RASA2: variants seen among roughly 807,000 people sequenced by gnomAD.
RASA2 encodes the protein RAS p21 protein activator 2.
In RASA2, 155 loss-of-function variants were observed where a neutral mutation model predicts 118.2. The ratio of observed to expected loss-of-function variants is 1.31; its 90% CI spans 1.15 to 1.50. RASA2 has a LOEUF of 1.50. Among genes scored for constraint, RASA2 ranks in the 40% most tolerant of loss-of-function variants. RASA2 has a pLI of 0.00. For synonymous variants in RASA2, 353 were observed against 349.1 expected (o/e 1.01, Z -0.12); for missense variants, 1,016 against 1,009.6 (o/e 1.01, Z -0.09).
At chr3:141,594,071 G>T (rs2083327125) in intron 19 of RASA2, among the ~76,000 whole-genome samples, 1 of 152,168 alleles carries the variant, frequency 6.6e-6, no homozygotes, top group South Asian at 2.1e-4. Context: ...TAGTCATCAT[G>T]AGTAAAGAAA....
At chr3:141,581,868 G>T (rs996285656) in intron 17 of RASA2, among the ~76,000 whole-genome samples, 2 of 152,106 alleles carry the variant, frequency 1.3e-5, no homozygotes, top group Admixed American at 6.5e-5. Flanking sequence ...GTTTTGAAAG[G>T]ATCTTTAATT....
chr3:141,512,220 G>C lies in RASA2; in HGVS notation c.191G>C (p.Cys64Ser), dbSNP rs747214144. The C allele has an allele frequency of 6.2e-7, 1 of 1,601,726 alleles. No homozygotes were observed. The highest frequency in any genetic ancestry group is 1.1e-5 in the South Asian group (1 of 87,286). The change falls in exon 2 of 24, where the codon TGT (cysteine) becomes TCT (serine). Residue 64 changes from cysteine to serine, a missense_variant. Coordinates refer to ENST00000286364, the MANE Select transcript of RASA2 (RefSeq NM_006506.5). The stretch of plus-strand genomic sequence containing the variant: ...CCCCACAAAATGAGAGATTGTTTCT[G>C]TACCATAAATTTGGACCAGGAAGAA... ...LGPHKMRDCF[C>S]TINLDQEEVY...
intron 15 of RASA2, chr3:141,579,509 A>G (rs559004650): frequency 1.3e-5 from 2 of 152,358 alleles, no homozygotes; most frequent in African/African-American, 4.8e-5. Flanking sequence ...AAAAATAACT[A>G]GGTGACTTCA....
At chr3:141,539,707 T>G (rs941359812) in intron 4 of RASA2, among the ~76,000 whole-genome samples, 2 of 152,196 alleles carry the variant, frequency 1.3e-5, no homozygotes, top group Non-Finnish European at 2.9e-5. Flanking sequence ...TTAGAATTGT[T>G]AGCGCAGAAT....
rs1436792645 is a variant in RASA2, at chr3:141,559,875, G to C, written c.762-19G>C. ...TTAAACATTGTTTGCAAAACATAAA[G>C]CCAGTTTTCAATTTTCAGGATCGAC... On this transcript the variant is annotated intron_variant, in intron 8 of 23. Transcript: ENST00000286364. 1.9e-6 allele frequency: 3 copies of C among 1,601,544 alleles called. No homozygotes were observed. Among genetic ancestry groups the C allele is most frequent in the East Asian group, 2.2e-5 (1 of 44,640 alleles).
intron 3 of RASA2, among the ~76,000 whole-genome samples, chr3:141,527,948 C>T (rs1388573356): frequency 6.6e-6 from 1 of 151,884 alleles, no homozygotes; most frequent in African/African-American, 2.4e-5. Flanking sequence ...TTTGAATGAA[C>T]TATAAATGCT....
At chr3:141,562,374 A>G (rs1475608162) in intron 9 of RASA2, among the ~76,000 whole-genome samples, 3 of 149,416 alleles carry the variant, frequency 2.0e-5, no homozygotes, top group Non-Finnish European at 3.0e-5. Context: ...CTGTAATCCC[A>G]GCACTTTGGG....
intron 19 of RASA2, among the ~76,000 whole-genome samples, chr3:141,592,753 A>G (rs2083306349): frequency 6.6e-6 from 1 of 152,136 alleles, no homozygotes; most frequent in African/African-American, 2.4e-5. Flanking sequence ...CAAGTTAAGG[A>G]TAATTCCAAG....
intron 2 of RASA2, among the ~76,000 whole-genome samples, chr3:141,515,663 A>G (rs891590911): frequency 6.6e-5 from 10 of 152,030 alleles, no homozygotes; most frequent in Non-Finnish European, 1.5e-4. Flanking sequence ...GTACTTTGGG[A>G]GGCTGAGGCG....
Position 141,529,762 on chromosome 3 carries a change from G to T in RASA2, c.410G>T (p.Trp137Leu). Residue 137 changes from tryptophan to leucine, a missense_variant, in exon 4 of 24, where the codon TGG becomes TTG. Trp to Leu is a moderately conservative substitution (Grantham distance 61, BLOSUM62 -2). This residue lies in a region of RASA2 where 896 missense variants were observed against 836.4 expected (regional missense o/e 1.07). Transcript: ENST00000286364. The stretch of plus-strand genomic sequence containing the variant: ...TGTAATCACAGTGGCAAAGAAACTT[G>T]GTTTTCATTACAGCCTGTTGACTCC... ...DLCNHSGKETWFSLQPVDSNS... is the reference protein window; with the variant it reads ...DLCNHSGKETLFSLQPVDSNS... The T allele has an allele frequency of 6.2e-7, 1 of 1,612,174 alleles. No individual in the cohort carries two copies. Among genetic ancestry groups the T allele is most frequent in the Non-Finnish European group, 8.5e-7 (1 of 1,178,714 alleles).
chr3:141,601,746 T>C (rs1276969194), intron 19 of RASA2, among the ~76,000 whole-genome samples: 1 of 152,190 alleles, frequency 6.6e-6, no homozygotes, highest in African/African-American at 2.4e-5. Context: ...TTCACCAAAT[T>C]TGGGACTTTT....
intron 1 of RASA2, among the ~76,000 whole-genome samples, chr3:141,508,718 T>C (rs1159483411): frequency 6.6e-6 from 1 of 151,926 alleles, no homozygotes; most frequent in African/African-American, 2.4e-5. Context: ...AGTAGAGAAG[T>C]AGGATAAGAG....
At chr3:141,576,617 A>G (rs1029214574) in intron 14 of RASA2, among the ~76,000 whole-genome samples, 1 of 152,234 alleles carries the variant, frequency 6.6e-6, no homozygotes, top group Non-Finnish European at 1.5e-5. Context: ...CAAGAACCTA[A>G]AACTGAAAGT....
rs567883400 is a variant in RASA2 at position 141,522,074 on chromosome 3, T to C, written c.355+5643T>C. 9.2e-5 allele frequency among the ~76,000 whole-genome samples: 14 copies of C among 152,220 alleles called. No homozygotes were observed. In the South Asian group the frequency reaches 2.7e-3, roughly 29 times the overall value. Reference sequence around the variant, plus strand: ...AGATTCAGTACAAGTTGAGCATAGATAGATTTTAGGGGTTTTTTATTTTTA... The same window carrying C: ...AGATTCAGTACAAGTTGAGCATAGACAGATTTTAGGGGTTTTTTATTTTTA... On this transcript the variant is annotated intron_variant, in intron 3 of 23. Transcript: ENST00000286364.
At chr3:141,495,103 T>C (rs566805354) in intron 1 of RASA2, among the ~76,000 whole-genome samples, 49 of 152,360 alleles carry the variant, frequency 3.2e-4, no homozygotes, top group African/African-American at 9.6e-4. Flanking sequence ...ACAAAGGAAA[T>C]GTGTATAACA....
chr3:141,563,441 GTAA>G (rs771363171), intron 9 of RASA2, among the ~76,000 whole-genome samples: 1 of 151,990 alleles, frequency 6.6e-6, no homozygotes, highest in African/African-American at 2.4e-5. Context: ...TTGAGCTTTT[GTAA>G]TAATATTTTA....
chr3:141,553,665 T>C (rs1177606552), intron 5 of RASA2, among the ~76,000 whole-genome samples, 192 bp from the exon 6 acceptor site: 1 of 152,182 alleles, frequency 6.6e-6, no homozygotes, highest in Admixed American at 6.5e-5. Flanking sequence ...ACAGCATAAA[T>C]TTAAAAATGC....
At chr3:141,565,204 C>G (rs1456515058) in intron 9 of RASA2, among the ~76,000 whole-genome samples, 1 of 152,116 alleles carries the variant, frequency 6.6e-6, no homozygotes, top group African/African-American at 2.4e-5. Flanking sequence ...AGCCTGGTCT[C>G]GAACTCCTGA....
rs866486127 is a variant in RASA2 at position 141,560,907 on chromosome 3, A to G, written c.863+912A>G. On this transcript the variant is annotated intron_variant, in intron 9 of 23. Transcript: ENST00000286364. ...AAGAGCCTGCCTCTTCTGATTGGCC[A>G]TCAGACATCTTCATTTTAGAGTCTT... Among the ~76,000 whole-genome samples, 5 of 152,276 alleles carry G rather than the reference A, an allele frequency of 3.3e-5. No homozygotes were observed. In the South Asian group the frequency reaches 8.3e-4, roughly 25 times the overall value.
Sources: allele counts gnomAD v4.1 joint callset (sites outside exome capture counted in the v4.1 genomes callset), GRCh38; gene constraint gnomAD v4.1.1; regional missense constraint gnomAD v4.1.1; transcripts MANE v1.5; gene names NCBI Gene and HGNC (gene_info 2026-07-23, HGNC 2026-07-21).